Variants in MCTP1 observed in about 807,000 individuals in gnomAD.
MCTP1 encodes multiple C2 and transmembrane domain containing 1.
A neutral mutation model predicts 120.6 loss-of-function variants in MCTP1; 69 were observed. The ratio of observed to expected loss-of-function variants is 0.57; its 90% CI spans 0.47 to 0.70. The LOEUF is 0.70. MCTP1 is among the 30% of genes least tolerant of loss of function. MCTP1 has a pLI of 0.00. For missense variants in MCTP1, 1,203 were observed against 1,248.8 expected, an observed-to-expected ratio of 0.96 and a Z score of 0.55; for synonymous variants, 529 against 493.1, an observed-to-expected ratio of 1.07 and a Z score of -0.96.
intron 19 of MCTP1, among the ~76,000 whole-genome samples, chr5:94,772,568 A>G (rs1309743522): frequency 1.3e-5 from 2 of 152,176 alleles, no homozygotes; most frequent in African/African-American, 2.4e-5. Flanking sequence ...ATGTAGCATG[A>G]CATCTCCATA....
intron 1 of MCTP1, among the ~76,000 whole-genome samples, chr5:95,034,014 CAAAGAG>C (rs1840784308): frequency 6.6e-6 from 1 of 151,784 alleles, no homozygotes. Context: ...TACATTTAAC[CAAAGAG>C]GTAAAAGATC....
chr5:94,900,166 G>T (rs1434731678), intron 10 of MCTP1, among the ~76,000 whole-genome samples: 1 of 152,192 alleles, frequency 6.6e-6, no homozygotes, highest in Non-Finnish European at 1.5e-5. Context: ...CAACATCCAT[G>T]CTAGAACGCA....
intron 2 of MCTP1, among the ~76,000 whole-genome samples, chr5:95,011,946 C>G (rs184821738): frequency 4.5e-4 from 68 of 152,226 alleles, no homozygotes; most frequent in Non-Finnish European, 4.6e-4. Context: ...ATGATCCAGG[C>G]TCATATTATA....
chr5:95,192,670 A>G (rs561771928), intron 1 of MCTP1, among the ~76,000 whole-genome samples: 1 of 152,266 alleles, frequency 6.6e-6, no homozygotes, highest in African/African-American at 2.4e-5. Context: ...AAAAGTGCTT[A>G]AAGCCACATT....
chr5:94,959,437 A>G (rs145088161), intron 2 of MCTP1, among the ~76,000 whole-genome samples: 53 of 152,322 alleles, frequency 3.5e-4, no homozygotes, highest in African/African-American at 1.3e-3. Context: ...TAGGCAAGAG[A>G]GAGAAATAAA....
intron 17 of MCTP1, among the ~76,000 whole-genome samples, chr5:94,810,509 GGA>G (rs1255652740): frequency 6.6e-6 from 1 of 152,126 alleles, no homozygotes; most frequent in Non-Finnish European, 1.5e-5. Context: ...CCAGAAAATA[GGA>G]TACCCAGCTA....
intron 1 of MCTP1, among the ~76,000 whole-genome samples, chr5:95,045,164 T>C (rs2151941189): frequency 6.6e-6 from 1 of 152,278 alleles, no homozygotes; most frequent in South Asian, 2.1e-4. Flanking sequence ...CTTTATACTT[T>C]TATCTGGAAG....
chr5:95,061,408 G>GTTTTTTTTTTT (rs556663513), intron 1 of MCTP1, among the ~76,000 whole-genome samples: 5 of 33,488 alleles, frequency 1.5e-4, no homozygotes, highest in Admixed American at 3.6e-4. Context: ...CCCCTTAAGG[G>GTTTTTTTTTTT]TTTTTTTTTT....
At chr5:94,743,784 C>A (rs2152763517) in intron 19 of MCTP1, among the ~76,000 whole-genome samples, 2 of 151,976 alleles carry the variant, frequency 1.3e-5, no homozygotes, top group Middle Eastern at 6.8e-3. Context: ...ACTACAGGCA[C>A]CTGCCACCAC....
chr5:94,708,390 C>G (rs889697185), intron 22 of MCTP1, 122 bp downstream of exon 22: 1 of 604,218 alleles, frequency 1.7e-6, no homozygotes, highest in Non-Finnish European at 2.8e-6. Flanking sequence ...ATCTGCTACA[C>G]AGGCTTTATT....
chr5:94,917,207 G>C (rs1324041421), intron 8 of MCTP1, among the ~76,000 whole-genome samples: 1 of 152,136 alleles, frequency 6.6e-6, no homozygotes, highest in Admixed American at 6.5e-5. Context: ...AAAGGGCAAG[G>C]AGTATTAAAC....
chr5:95,284,622 C>A lies in MCTP1; in HGVS notation c.-47G>T. 1 of 1,312,252 alleles carries A rather than the reference C, an allele frequency of 7.6e-7. No individual in the cohort carries two copies. Among genetic ancestry groups the A allele is most frequent in the Non-Finnish European group, 9.9e-7 (1 of 1,012,092 alleles). 81.3% of individuals were successfully genotyped at this position (1,312,252 alleles called of 1,614,324 possible). ...CTCCCCTCCTCCTCCTCCTCCTCCT[C>A]CTGCTTCTCCTCCCTCTTCGGCTGC... On this transcript the variant is annotated 5_prime_UTR_variant, in exon 1 of 23. Coordinates refer to ENST00000515393, the MANE Select transcript of MCTP1 (RefSeq NM_024717.7). This position sits in a 1 kb window ranked among gnomAD's most constrained non-coding sequence, Gnocchi z 5.2.
At chr5:94,721,899 AT>A (rs769597180) in intron 19 of MCTP1, among the ~76,000 whole-genome samples, 7 of 150,604 alleles carry the variant, frequency 4.6e-5, no homozygotes, top group East Asian at 3.9e-4. Context: ...AAAAAAAAAA[AT>A]ATCCACAACA....
At chr5:94,721,242 C>T (rs1312686797) in intron 19 of MCTP1, among the ~76,000 whole-genome samples, 2 of 152,184 alleles carry the variant, frequency 1.3e-5, no homozygotes, top group African/African-American at 4.8e-5. Context: ...GAAACCACCA[C>T]ATTTAATGTC....
intron 1 of MCTP1, among the ~76,000 whole-genome samples, chr5:95,250,620 T>C (rs1440644532): frequency 2.0e-5 from 3 of 152,202 alleles, no homozygotes; most frequent in African/African-American, 7.2e-5. Context: ...ATTTAACTTT[T>C]GGATTTCTTT....
intron 17 of MCTP1, among the ~76,000 whole-genome samples, chr5:94,816,308 C>A (rs995610571): frequency 5.9e-5 from 9 of 151,876 alleles, no homozygotes; most frequent in Non-Finnish European, 4.4e-5. Flanking sequence ...AAGTGTGTAT[C>A]CATAAATATT....
At chr5:95,135,449 G>T (rs1372834377) in intron 1 of MCTP1, among the ~76,000 whole-genome samples, 2 of 152,198 alleles carry the variant, frequency 1.3e-5, no homozygotes, top group African/African-American at 2.4e-5. Flanking sequence ...AACTTGATTG[G>T]ACTGAAGGAT....
At chr5:94,913,467 C>A (rs966381708) in intron 8 of MCTP1, among the ~76,000 whole-genome samples, 2 of 152,162 alleles carry the variant, frequency 1.3e-5, no homozygotes, top group Non-Finnish European at 2.9e-5. Context: ...TTAAAAACTT[C>A]TTTCTTGCCA....
chr5:95,162,659 C>A (rs1745876471), intron 1 of MCTP1, among the ~76,000 whole-genome samples: 1 of 152,182 alleles, frequency 6.6e-6, no homozygotes, highest in African/African-American at 2.4e-5. Flanking sequence ...ACTGAGAAAG[C>A]TACACACATA....
Sources: allele counts gnomAD v4.1 joint callset (sites outside exome capture counted in the v4.1 genomes callset), GRCh38; gene constraint gnomAD v4.1.1; non-coding constraint Gnocchi (gnomAD v3.1); transcripts MANE v1.5; gene names NCBI Gene and HGNC (gene_info 2026-07-23, HGNC 2026-07-21).